ANKRD11: variants seen among roughly 807,000 people sequenced by gnomAD.
The protein encoded by ANKRD11 is ankyrin repeat domain 11.
ANKRD11 carries 17 observed loss-of-function variants against 195.7 expected under a neutral mutation model. The ratio of observed to expected loss-of-function variants is 0.09; its 90% CI spans 0.06 to 0.13. The LOEUF (loss-of-function observed/expected upper bound fraction) is 0.13. Among genes scored for constraint, ANKRD11 ranks in the 10% least tolerant of loss-of-function variants. The pLI is 1.00. For missense variants in ANKRD11, 3,735 were observed against 3,566.1 expected (o/e 1.05, Z -1.21); for synonymous variants, 1,953 against 1,528.1 (o/e 1.28, Z -6.49).
chr16:89,305,437 C>T, intron 3 of ANKRD11, 93 bp from the exon 4 acceptor site: 1 of 1,549,820 alleles, frequency 6.5e-7, no homozygotes, highest in African/African-American at 1.4e-5. Context: ...AAGCGCATCT[C>T]TTATTTGGGC....
Position 89,374,860 on chromosome 16 carries a change from A to G in ANKRD11, c.-60+43424T>C, listed in dbSNP as rs565344323. ...CCATCGATTTGTTTTCAACAAATAC[A>G]CTGAAAAACTTATTAGAGATTTGTG... is the stretch of plus-strand genomic sequence containing the variant. On this transcript the variant is annotated intron_variant, in intron 2 of 12. Coordinates refer to ENST00000301030, the MANE Select transcript of ANKRD11 (RefSeq NM_013275.6). Among the ~76,000 whole-genome samples, 3 of 152,322 alleles carry G rather than the reference A, an allele frequency of 2.0e-5. No homozygotes were observed. The South Asian group carries it at 6.2e-4, about 32-fold the overall frequency.
At chr16:89,387,270 G>C (rs1159150080) in intron 2 of ANKRD11, among the ~76,000 whole-genome samples, 1 of 152,068 alleles carries the variant, frequency 6.6e-6, no homozygotes, top group Non-Finnish European at 1.5e-5. Flanking sequence ...GGCCTGAATG[G>C]TGGGAGTGCC....
At chr16:89,305,715 C>CACCT (rs367867919) in intron 3 of ANKRD11, among the ~76,000 whole-genome samples, 166 of 19,994 alleles carry the variant, frequency 8.3e-3, no homozygotes, top group African/African-American at 0.029. Context: ...AGACACGCGC[C>CACCT]ACCTCCCACT....
At chr16:89,459,425 T>G (rs1479866007) in intron 1 of ANKRD11, 1 of 152,146 alleles carries the variant, frequency 6.6e-6, no homozygotes, top group Non-Finnish European at 1.5e-5. Context: ...TTGTGAAAAT[T>G]TCCAACAAAA....
intron 2 of ANKRD11, among the ~76,000 whole-genome samples, chr16:89,409,828 A>G (rs1409127499): frequency 6.9e-6 from 1 of 145,206 alleles, no homozygotes; most frequent in Non-Finnish European, 1.5e-5. Flanking sequence ...ATTTCAATCT[A>G]AATTTATTTA....
At chr16:89,319,704 G>A (rs1205845297) in intron 2 of ANKRD11, among the ~76,000 whole-genome samples, 2 of 152,284 alleles carry the variant, frequency 1.3e-5, no homozygotes, top group African/African-American at 4.8e-5. Context: ...TCTGCTGGAT[G>A]TGGATGAAGC....
At chr16:89,411,689 C>T (rs540744484) in intron 2 of ANKRD11, among the ~76,000 whole-genome samples, 3 of 152,204 alleles carry the variant, frequency 2.0e-5, no homozygotes, top group East Asian at 1.9e-4. Flanking sequence ...GCTGGGATTA[C>T]GGCCAGTTTA....
At position 89,283,535 on chromosome 16, in the gene ANKRD11, G is replaced by A. The variant is rs2034431496; in HGVS notation, c.3007C>T (p.His1003Tyr). Residue 1003 changes from histidine to tyrosine, a missense_variant, in exon 9 of 13, where the codon CAC (histidine) becomes TAC (tyrosine). Coordinates refer to ENST00000301030, the MANE Select transcript of ANKRD11 (RefSeq NM_013275.6). This position sits in a 1 kb window ranked among gnomAD's most constrained non-coding sequence, Gnocchi z 4.3. ...TTCTCCTTCTCTCGTGCTGGGTGGT[G>A]CCGTTCCCACGGCTCCAGGCCCTTC... The part of the protein sequence containing the change: ...FGKGLEPWER[H>Y]HPAREKEKKD... The A allele has an allele frequency of 1.2e-6, 2 of 1,612,922 alleles. No homozygotes were observed. The highest frequency in any genetic ancestry group is 1.3e-5 in the African/African-American group (1 of 74,912).
chr16:89,268,427 T>C lies in ANKRD11; in HGVS notation c.*51A>G. On this transcript the variant is annotated 3_prime_UTR_variant, in exon 13 of 13. Transcript: ENST00000301030. ...CTCCGCCCCTGGGGCTCAGCAGCAGTCCTGGGCAGCCGTGCGGCCCTCGCC... is the reference window on the plus strand; with the variant it reads ...CTCCGCCCCTGGGGCTCAGCAGCAGCCCTGGGCAGCCGTGCGGCCCTCGCC... 2 of 824,920 alleles carry C rather than the reference T, an allele frequency of 2.4e-6. No homozygotes were observed. Among genetic ancestry groups the C allele is most frequent in the Non-Finnish European group, 3.7e-6 (2 of 534,048 alleles). 51.1% of individuals were successfully genotyped at this position (824,920 alleles called of 1,614,324 possible).
chr16:89,417,808 G>C (rs1158872554), intron 2 of ANKRD11, among the ~76,000 whole-genome samples: 1 of 152,038 alleles, frequency 6.6e-6, no homozygotes, highest in African/African-American at 2.4e-5. Context: ...ACAGCTCCCA[G>C]GATACAGAAT....
chr16:89,321,138 C>T (rs2037296495), intron 2 of ANKRD11: 6 of 152,564 alleles, frequency 3.9e-5, no homozygotes, highest in Admixed American at 2.6e-4. Context: ...GCTGCGATTC[C>T]CTCTGCTCCA....
At chr16:89,389,854 G>A (rs896941155) in intron 2 of ANKRD11, among the ~76,000 whole-genome samples, 4 of 136,526 alleles carry the variant, frequency 2.9e-5, no homozygotes, top group Admixed American at 7.5e-5. Context: ...GGGGAGCACC[G>A]AGAGAAAGAA....
chr16:89,310,423 G>A (rs1404485742), intron 3 of ANKRD11, among the ~76,000 whole-genome samples: 2 of 152,160 alleles, frequency 1.3e-5, no homozygotes. Flanking sequence ...GTTATTCTAG[G>A]TCTTTTCAAT....
At chr16:89,398,501 G>C (rs2041558546) in intron 2 of ANKRD11, among the ~76,000 whole-genome samples, 1 of 152,146 alleles carries the variant, frequency 6.6e-6, no homozygotes, top group African/African-American at 2.4e-5. Flanking sequence ...AGGACTGCTT[G>C]AGCCCAGGAG....
At chr16:89,345,711 T>C (rs965837172) in intron 2 of ANKRD11, among the ~76,000 whole-genome samples, 2 of 152,244 alleles carry the variant, frequency 1.3e-5, no homozygotes, top group East Asian at 1.9e-4. Context: ...AGCTGAGTGA[T>C]GTTTAATCCA....
intron 2 of ANKRD11, among the ~76,000 whole-genome samples, chr16:89,338,495 C>T (rs919419469): frequency 9.3e-5 from 14 of 150,870 alleles, no homozygotes; most frequent in African/African-American, 1.5e-4. Context: ...TTTGGGAGGC[C>T]GAGGCGGGCA....
intron 4 of ANKRD11, among the ~76,000 whole-genome samples, chr16:89,302,239 C>A (rs1444579010): frequency 6.6e-6 from 1 of 152,208 alleles, no homozygotes; most frequent in Non-Finnish European, 1.5e-5. Context: ...GCTGAACGCA[C>A]TGGAGTTGGA....
chr16:89,432,777 C>T (rs2043037169), intron 1 of ANKRD11, among the ~76,000 whole-genome samples: 1 of 151,916 alleles, frequency 6.6e-6, no homozygotes, highest in Non-Finnish European at 1.5e-5. Context: ...GGACCCCATC[C>T]CTATAAAAAA....
chr16:89,423,422 C>T (rs2042593881), intron 1 of ANKRD11, among the ~76,000 whole-genome samples: 2 of 152,206 alleles, frequency 1.3e-5, no homozygotes, highest in South Asian at 4.1e-4. Context: ...CAGAACGGCC[C>T]GCAGTGCATT....
Sources: gnomAD v4.1 joint callset for allele counts (sites outside exome capture counted in the v4.1 genomes callset) on GRCh38, gnomAD v4.1.1 for gene constraint, Gnocchi (gnomAD v3.1) non-coding constraint, MANE v1.5 for transcripts, NCBI Gene and HGNC (gene_info 2026-07-23, HGNC 2026-07-21) for gene names.